ZNF490: variants seen among roughly 807,000 people sequenced by gnomAD.
The protein encoded by ZNF490 is zinc finger protein 490.
In ZNF490, 11 loss-of-function variants were observed where a neutral mutation model predicts 17.7. The observed-to-expected ratio is 0.62, with a 90% CI of 0.39 to 1.03. ZNF490 has a LOEUF of 1.03. ZNF490 is among the 50% of genes least tolerant of loss of function. ZNF490 has a pLI of 0.00. For synonymous variants in ZNF490, 222 were observed against 216.1 expected, an observed-to-expected ratio of 1.03 and a Z score of -0.24; for missense variants, 542 against 643.4, an observed-to-expected ratio of 0.84 and a Z score of 1.71.
intron 2 of ZNF490, among the ~76,000 whole-genome samples, chr19:12,598,299 C>G (rs1359763263): frequency 1.3e-5 from 2 of 152,146 alleles, no homozygotes; most frequent in Non-Finnish European, 2.9e-5. Context: ...GTGGTTTAGA[C>G]ACTTAGAAAT....
chr19:12,593,470 G>A (rs1490765677), intron 2 of ZNF490, among the ~76,000 whole-genome samples: 4 of 151,908 alleles, frequency 2.6e-5, no homozygotes, highest in South Asian at 2.1e-4. Flanking sequence ...GGCTGGTCTC[G>A]AACTCCTGAC....
chr19:12,609,347 G>C (rs2023114334), intron 1 of ZNF490, 145 bp from the exon 2 acceptor site: 2 of 663,238 alleles, frequency 3.0e-6, no homozygotes, highest in African/African-American at 3.6e-5. Context: ...GAGTTTTCAA[G>C]ATTACACTGT....
Position 12,581,368 on chromosome 19 carries a change from GAA to G in ZNF490, c.705_706del (p.Ser236LeufsTer15). 6.2e-7 allele frequency: 1 copy of G among 1,613,874 alleles called. No homozygotes were observed. The highest frequency in any genetic ancestry group is 8.5e-7 in the Non-Finnish European group (1 of 1,179,934). ...ATGAATTCTTATATGGTTTCGAAAG[GAA>G]AAGAGAAATGCGAAGGCTTTGCCAC... On this transcript the variant is annotated frameshift_variant, in exon 5 of 5. Coordinates refer to ENST00000311437, the MANE Select transcript of ZNF490 (RefSeq NM_020714.3). LOFTEE classifies it low-confidence loss of function (END_TRUNC).
chr19:12,610,733 G>T lies in ZNF490; in HGVS notation c.-53C>A, dbSNP rs535255350. ...AGGAAGACTTCCGTGTCCGACCCGA[G>T]ATCCGGAACAATTTCTGCTTCAACA... is the stretch of plus-strand genomic sequence containing the variant. On this transcript the variant is annotated 5_prime_UTR_variant, in exon 1 of 5. Coordinates refer to ENST00000311437, the MANE Select transcript of ZNF490 (RefSeq NM_020714.3). 367 of 1,554,184 alleles carry T rather than the reference G, an allele frequency of 2.4e-4. 4 individuals are homozygous for T. The African/African-American group carries it at 4.1e-3, about 17-fold the overall frequency.
At chr19:12,609,559 A>C (rs2023117465) in intron 1 of ZNF490, among the ~76,000 whole-genome samples, 1 of 152,074 alleles carries the variant, frequency 6.6e-6, no homozygotes, top group Non-Finnish European at 1.5e-5. Context: ...AATTTTTAAA[A>C]ATTTTTTGAG....
rs990627520 is a variant in ZNF490 at position 12,576,114 on chromosome 19, A to C, written c.*4371T>G. Among the ~76,000 whole-genome samples, 4 of 152,152 alleles carry C rather than the reference A, an allele frequency of 2.6e-5. No homozygotes were observed. The highest frequency in any genetic ancestry group is 9.7e-5 in the African/African-American group (4 of 41,410). ...TCAATAAAATCTTTGATGGTGAAAAACCATATTTTTAATATCTAATATCAG... is the reference window on the plus strand; with the variant it reads ...TCAATAAAATCTTTGATGGTGAAAACCCATATTTTTAATATCTAATATCAG... On this transcript the variant is annotated 3_prime_UTR_variant, in exon 5 of 5. Transcript: ENST00000311437.
At chr19:12,597,247 C>A (rs1038042422) in intron 2 of ZNF490, 20 of 452,894 alleles carry the variant, frequency 4.4e-5, no homozygotes, top group Non-Finnish European at 8.5e-5. Flanking sequence ...CACAGACAGT[C>A]CGAGGCTGGG....
In ZNF490 at chr19:12,577,360, C is replaced by T. The variant is rs2022656516; in HGVS notation, c.*3125G>A. 1 of 883,028 alleles carries T rather than the reference C, an allele frequency of 1.1e-6. No individual in the cohort carries two copies. The highest frequency in any genetic ancestry group is 5.2e-5 in the South Asian group (1 of 19,300). The allele number at this position is 883,028 out of a possible 1,614,324, so 54.7% of individuals were successfully genotyped here. ...TATCACAAAAGATGGCTCCTTGAGCCCATTCTGACAGTGAAGGAATCTCGA... is the reference window on the plus strand; with the variant it reads ...TATCACAAAAGATGGCTCCTTGAGCTCATTCTGACAGTGAAGGAATCTCGA... On this transcript the variant is annotated 3_prime_UTR_variant, in exon 5 of 5. Transcript: ENST00000311437.
chr19:12,576,115 C>A lies in ZNF490; in HGVS notation c.*4370G>T, dbSNP rs1326651311. Among the ~76,000 whole-genome samples the A allele has an allele frequency of 6.6e-6, 1 of 152,158 alleles. No homozygotes were observed. Among genetic ancestry groups the A allele is most frequent in the African/African-American group, 2.4e-5 (1 of 41,436 alleles). ...CAATAAAATCTTTGATGGTGAAAAACCATATTTTTAATATCTAATATCAGA... is the reference window on the plus strand; with the variant it reads ...CAATAAAATCTTTGATGGTGAAAAAACATATTTTTAATATCTAATATCAGA... On this transcript the variant is annotated 3_prime_UTR_variant, in exon 5 of 5. Transcript: ENST00000311437.
intron 2 of ZNF490, among the ~76,000 whole-genome samples, chr19:12,605,972 C>A (rs917760280): frequency 1.3e-5 from 2 of 151,964 alleles, no homozygotes; most frequent in East Asian, 3.9e-4. Flanking sequence ...CCTCCACCTC[C>A]CGGGTTCAAG....
chr19:12,610,355 C>T (rs1337943920), intron 1 of ZNF490, among the ~76,000 whole-genome samples: 2 of 128,356 alleles, frequency 1.6e-5, no homozygotes, highest in Non-Finnish European at 3.2e-5. Context: ...TACGGGTGTG[C>T]GCCACCAAGC....
rs777221425 is a variant in ZNF490, at chr19:12,581,027, G to A, written c.1048C>T (p.Arg350Ter). 1.2e-5 allele frequency: 20 copies of A among 1,613,982 alleles called. No individual in the cohort carries two copies. Among genetic ancestry groups the A allele is most frequent in the Non-Finnish European group, 7.6e-6 (9 of 1,179,976 alleles). The stretch of plus-strand genomic sequence containing the variant: ...CCGGTGTGGGTTTTCACGTGTTTTC[G>A]AAGGCTTGAGTGAGAAAAGAAGGCT... ...GRAFFSHSSL[R>*]KHVKTHTGVQ... Residue 350 changes from arginine (R) to a stop codon, truncating the protein, a stop_gained, in exon 5 of 5, where the codon CGA becomes TGA. Coordinates refer to ENST00000311437, the MANE Select transcript of ZNF490 (RefSeq NM_020714.3). LOFTEE classifies it low-confidence loss of function (END_TRUNC).
chr19:12,594,586 C>T (rs1381325739), intron 2 of ZNF490, among the ~76,000 whole-genome samples: 1 of 152,094 alleles, frequency 6.6e-6, no homozygotes, highest in Admixed American at 6.6e-5. Context: ...TAGCGATATC[C>T]GGGCAATGAT....
chr19:12,605,321 A>T (rs1331621467), intron 2 of ZNF490, among the ~76,000 whole-genome samples: 1 of 152,092 alleles, frequency 6.6e-6, no homozygotes, highest in Non-Finnish European at 1.5e-5. Context: ...AACTTTACAA[A>T]AAATAAATAA....
intron 2 of ZNF490, chr19:12,597,314 G>A (rs2022946835): frequency 2.6e-6 from 1 of 390,974 alleles, no homozygotes; most frequent in African/African-American, 2.1e-5. Flanking sequence ...TCAGAGCTAG[G>A]GTGCAAGCGC....
At chr19:12,609,224 C>T (rs1385213145) in intron 1 of ZNF490, 22 bp from the exon 2 acceptor site, 1 of 1,613,248 alleles carries the variant, frequency 6.2e-7, no homozygotes, top group Admixed American at 1.7e-5. Flanking sequence ...CAAGAGGATG[C>T]ATTTTGTGAG....
intron 2 of ZNF490, among the ~76,000 whole-genome samples, chr19:12,593,547 G>T (rs1179876856): frequency 6.6e-6 from 1 of 152,142 alleles, no homozygotes; most frequent in Non-Finnish European, 1.5e-5. Context: ...ACCACACCCA[G>T]CCTAATATTC....
chr19:12,591,452 A>G (rs2022870655), intron 2 of ZNF490, among the ~76,000 whole-genome samples: 1 of 152,140 alleles, frequency 6.6e-6, no homozygotes, highest in African/African-American at 2.4e-5. Context: ...AAGACAAGCT[A>G]CAGACAGGGA....
rs923733321 is a variant in ZNF490, at chr19:12,577,313, T to C, written c.*3172A>G. Among the ~76,000 whole-genome samples, 28 of 152,308 alleles carry C rather than the reference T, an allele frequency of 1.8e-4. No individual in the cohort carries two copies. Among genetic ancestry groups the C allele is most frequent in the African/African-American group, 5.8e-4 (24 of 41,568 alleles). On this transcript the variant is annotated 3_prime_UTR_variant, in exon 5 of 5. Transcript: ENST00000311437. ...CTCACTCCCATTCCTGTAGCAGAGA[T>C]ACCCCTTAGTTCCCCAATACCTATC...
Sources: gnomAD v4.1 joint callset for allele counts (sites outside exome capture counted in the v4.1 genomes callset) on GRCh38, gnomAD v4.1.1 for gene constraint, MANE v1.5 for transcripts, NCBI Gene and HGNC (gene_info 2026-07-23, HGNC 2026-07-21) for gene names.